GABRB3: variants seen among roughly 807,000 people sequenced by gnomAD.
GABRB3 encodes the protein gamma-aminobutyric acid receptor subunit beta-3.
In GABRB3, 14 loss-of-function variants were observed where a neutral mutation model predicts 52.1. The observed-to-expected ratio is 0.27, with a 90% CI of 0.18 to 0.42. The LOEUF is 0.42. Ranked by LOEUF, GABRB3 falls within the 10% of genes least tolerant of loss-of-function variation. The pLI, the probability that GABRB3 is intolerant of heterozygous loss-of-function variation, is 1.00. For synonymous variants in GABRB3, 260 were observed against 232.3 expected (o/e 1.12, Z -1.08); for missense variants, 307 against 609.1 (o/e 0.50, Z 5.22).
At chr15:26,762,126 C>T (rs1390545862) in intron 3 of GABRB3, among the ~76,000 whole-genome samples, 1 of 152,180 alleles carries the variant, frequency 6.6e-6, no homozygotes, top group East Asian at 1.9e-4. Context: ...AACCCCACAC[C>T]CAGCCCTCTT....
rs66894857 is a variant in GABRB3, at chr15:26,625,588, T to TATTGGCTGTGGGG, written c.241-4055_241-4054insCCCCACAGCCAAT. 0.58 allele frequency: 346,119 copies of TATTGGCTGTGGGG among 601,574 alleles called. 102,191 individuals are homozygous for TATTGGCTGTGGGG. The highest frequency in any genetic ancestry group is 0.61 in the Middle Eastern group (714 of 1,180). 37.3% of individuals were successfully genotyped at this position (601,574 alleles called of 1,614,324 possible). On this transcript the variant is annotated intron_variant, in intron 3 of 8. Transcript: ENST00000311550. ...TTAAAAGCTCCAAGGATTAAAGGAATAGCAGAGGGGACACTGGATTCCTCA... is the reference window on the plus strand; with the variant it reads ...TTAAAAGCTCCAAGGATTAAAGGAATATTGGCTGTGGGGAGCAGAGGGGACACTGGATTCCTCA...
At chr15:26,681,043 T>C (rs1229333444) in intron 3 of GABRB3, among the ~76,000 whole-genome samples, 1 of 152,230 alleles carries the variant, frequency 6.6e-6, no homozygotes, top group Non-Finnish European at 1.5e-5. Context: ...CTTGTTTTCC[T>C]TTAGGCCTGA....
chr15:26,725,026 G>A (rs559875599), intron 3 of GABRB3, among the ~76,000 whole-genome samples: 3 of 152,310 alleles, frequency 2.0e-5, no homozygotes, highest in African/African-American at 7.2e-5. Context: ...GCCATGACTT[G>A]TCAAAGGCAA....
chr15:26,624,456 CAAG>C, intron 3 of GABRB3: 1 of 985,474 alleles, frequency 1.0e-6, no homozygotes, highest in Non-Finnish European at 1.2e-6. Context: ...TGGCTTGCCA[CAAG>C]AAGGGAGAGA....
At chr15:26,714,042 A>C (rs1259116955) in intron 3 of GABRB3, among the ~76,000 whole-genome samples, 1 of 152,230 alleles carries the variant, frequency 6.6e-6, no homozygotes, top group East Asian at 1.9e-4. Context: ...CGTGCCAGCA[A>C]CGAGAACAAT....
intron 3 of GABRB3, among the ~76,000 whole-genome samples, chr15:26,650,245 G>T (rs1373123571): frequency 6.6e-6 from 1 of 152,258 alleles, no homozygotes; most frequent in South Asian, 2.1e-4. Flanking sequence ...TGAGTATTGG[G>T]TTAATGAACT....
chr15:26,658,045 T>C (rs1887428142), intron 3 of GABRB3, among the ~76,000 whole-genome samples: 1 of 152,186 alleles, frequency 6.6e-6, no homozygotes, highest in Non-Finnish European at 1.5e-5. Context: ...TACGGATAAC[T>C]AGTACCACTG....
chr15:26,720,724 A>G (rs1467586154), intron 3 of GABRB3, among the ~76,000 whole-genome samples: 2 of 152,198 alleles, frequency 1.3e-5, no homozygotes, highest in African/African-American at 4.8e-5. Flanking sequence ...GCAATCCCTC[A>G]GGATTTTCTA....
intron 3 of GABRB3, among the ~76,000 whole-genome samples, chr15:26,670,447 C>A (rs1050131554): frequency 3.3e-5 from 5 of 152,104 alleles, no homozygotes; most frequent in Admixed American, 1.3e-4. Context: ...GGAGGCTGGG[C>A]GCAGAGGTGG....
intron 3 of GABRB3, among the ~76,000 whole-genome samples, chr15:26,670,024 G>A (rs1887838573): frequency 6.6e-6 from 1 of 152,040 alleles, no homozygotes; most frequent in Non-Finnish European, 1.5e-5. Context: ...CCCTCATGCT[G>A]TGCAGGAGGT....
At chr15:26,632,952 T>C (rs1024522633) in intron 3 of GABRB3, among the ~76,000 whole-genome samples, 1 of 152,144 alleles carries the variant, frequency 6.6e-6, no homozygotes, top group South Asian at 2.1e-4. Context: ...CCTCCAGAAC[T>C]GAATGAAAAA....
At chr15:26,690,106 A>ATTTTTTTTTT (rs56143305) in intron 3 of GABRB3, among the ~76,000 whole-genome samples, 4 of 137,482 alleles carry the variant, frequency 2.9e-5, no homozygotes, top group African/African-American at 5.3e-5. Flanking sequence ...AGGTACACGG[A>ATTTTTTTTTT]TTTTTTTTTT....
At chr15:26,622,148 GACATATTC>G (rs1169537411) in intron 3 of GABRB3, among the ~76,000 whole-genome samples, 1 of 152,032 alleles carries the variant, frequency 6.6e-6, no homozygotes, top group Non-Finnish European at 1.5e-5. Flanking sequence ...CGGAGATGAT[GACATATTC>G]ACCTGAGGAA....
chr15:26,661,170 GT>G (rs1415203431), intron 3 of GABRB3, among the ~76,000 whole-genome samples: 2 of 152,122 alleles, frequency 1.3e-5, no homozygotes, highest in Non-Finnish European at 2.9e-5. Flanking sequence ...GTTTGAGATA[GT>G]CACAGTGAAG....
rs78294079 is a variant in GABRB3 at position 26,603,794 on chromosome 15, T to C, written c.461+17520A>G. The stretch of plus-strand genomic sequence containing the variant: ...ATACCTGAACATAAGAAAAGCCTGA[T>C]ATATCAAGCCCTAAGTTAGTATCAT... On this transcript the variant is annotated intron_variant, in intron 4 of 8. Coordinates refer to ENST00000311550, the MANE Select transcript of GABRB3 (RefSeq NM_000814.6). Among the ~76,000 whole-genome samples, 33 of 152,138 alleles carry C rather than the reference T, an allele frequency of 2.2e-4. No individual in the cohort carries two copies. In the East Asian group the frequency reaches 3.7e-3, roughly 17 times the overall value.
At chr15:26,572,154 T>A (rs533721559) in intron 6 of GABRB3, among the ~76,000 whole-genome samples, 1 of 151,364 alleles carries the variant, frequency 6.6e-6, no homozygotes, top group South Asian at 2.1e-4. Flanking sequence ...AAACAGTAAG[T>A]GGGGCAAACA....
chr15:26,755,640 T>C (rs1273002993), intron 3 of GABRB3, among the ~76,000 whole-genome samples: 3 of 152,220 alleles, frequency 2.0e-5, no homozygotes, highest in African/African-American at 2.4e-5. Flanking sequence ...CATTTACTAA[T>C]AGAAATTGAT....
chr15:26,763,914 G>C (rs933143162), intron 3 of GABRB3, among the ~76,000 whole-genome samples: 9 of 151,750 alleles, frequency 5.9e-5, no homozygotes, highest in African/African-American at 2.2e-4. Flanking sequence ...GGGAGGCCGA[G>C]GCGGGTGGAT....
At chr15:26,643,051 C>T (rs901966468) in intron 3 of GABRB3, among the ~76,000 whole-genome samples, 1 of 152,202 alleles carries the variant, frequency 6.6e-6, no homozygotes, top group African/African-American at 2.4e-5. Context: ...TCAGCTGACA[C>T]CTCCACCCTG....
Sources: gnomAD v4.1 joint callset for allele counts (sites outside exome capture counted in the v4.1 genomes callset) on GRCh38, gnomAD v4.1.1 for gene constraint, MANE v1.5 for transcripts, NCBI Gene and HGNC (gene_info 2026-07-23, HGNC 2026-07-21) for gene names.